PLCG2: variants seen among roughly 807,000 people sequenced by gnomAD.
PLCG2 encodes phospholipase C gamma 2.
Under a neutral mutation model 175.6 loss-of-function variants are expected in PLCG2, and 69 were observed. The ratio of observed to expected loss-of-function variants is 0.39; its 90% confidence interval spans 0.32 to 0.48. The LOEUF (loss-of-function observed/expected upper bound fraction) is 0.48. Among genes scored for constraint, PLCG2 ranks in the 20% least tolerant of loss-of-function variants. The pLI is 0.91. For missense variants in PLCG2, 1,798 were observed against 1,650.9 expected (o/e 1.09, Z -1.54); for synonymous variants, 827 against 624.0 (o/e 1.33, Z -4.85).
At chr16:81,778,721 C>T (rs988230158), upstream of PLCG2, among the ~76,000 whole-genome samples, 1 of 152,196 alleles carries the variant, frequency 6.6e-6, no homozygotes, top group African/African-American at 2.4e-5. Context: ...AAGGGTTGGT[C>T]TGACTCCAGC....
At chr16:81,861,127 T>C (rs1285879135) in intron 5 of PLCG2, among the ~76,000 whole-genome samples, 2 of 152,190 alleles carry the variant, frequency 1.3e-5, no homozygotes, top group African/African-American at 4.8e-5. Flanking sequence ...TGCATTGAGC[T>C]CTTCAGTCCT....
intron 1 of PLCG2, among the ~76,000 whole-genome samples, chr16:81,745,109 A>G (rs1909678118): frequency 1.3e-5 from 2 of 152,228 alleles, no homozygotes; most frequent in Admixed American, 1.3e-4. Flanking sequence ...ACCTCCAGCA[A>G]CGGGGCTGGG....
intron 8 of PLCG2, 39 bp downstream of exon 8, chr16:81,880,992 C>G: frequency 1.2e-6 from 2 of 1,603,856 alleles, no homozygotes; most frequent in African/African-American, 2.7e-5. Context: ...GCGGCTGTGC[C>G]GGACCTCGGT....
chr16:81,880,611 G>T (rs1908031675), intron 7 of PLCG2, among the ~76,000 whole-genome samples: 1 of 152,184 alleles, frequency 6.6e-6, no homozygotes, highest in Admixed American at 6.5e-5. Context: ...GTTATAATAT[G>T]ATATGATACC....
At chr16:81,861,034 GAAAAAACCA>G (rs987942978) in intron 5 of PLCG2, among the ~76,000 whole-genome samples, 3 of 151,788 alleles carry the variant, frequency 2.0e-5, no homozygotes, top group Admixed American at 1.3e-4. Flanking sequence ...ACCACGACAA[GAAAAAACCA>G]AAAAAACCAA....
chr16:81,833,792 C>T (rs531240623), intron 2 of PLCG2, among the ~76,000 whole-genome samples: 5 of 152,112 alleles, frequency 3.3e-5, no homozygotes, highest in African/African-American at 1.2e-4. Context: ...GAGCTGTCCT[C>T]CTGCCTTGGC....
At chr16:81,893,828 G>A (rs374923896) in intron 12 of PLCG2, 34 bp downstream of exon 12, 64 of 1,370,182 alleles carry the variant, frequency 4.7e-5, no homozygotes, top group South Asian at 1.3e-4. Flanking sequence ...GGTCAGGCTC[G>A]CAGCAAATTG....
chr16:81,874,142 C>A (rs1413050115), intron 7 of PLCG2, among the ~76,000 whole-genome samples: 1 of 152,130 alleles, frequency 6.6e-6, no homozygotes, highest in Non-Finnish European at 1.5e-5. Context: ...AAATTAATTG[C>A]CTACATTTAA....
At chr16:81,882,200 C>G (rs750987712) in intron 8 of PLCG2, among the ~76,000 whole-genome samples, 18 of 152,214 alleles carry the variant, frequency 1.2e-4, no homozygotes, top group Non-Finnish European at 2.5e-4. Context: ...AGAATGTACT[C>G]CCCATCCAAC....
At chr16:81,947,064 T>C (rs1301233380) in intron 31 of PLCG2, among the ~76,000 whole-genome samples, 3 of 152,176 alleles carry the variant, frequency 2.0e-5, no homozygotes, top group Non-Finnish European at 2.9e-5. Context: ...AAAATGGTTT[T>C]AGATTGTGGT....
chr16:81,801,685 A>G (rs1185496282), intron 2 of PLCG2, among the ~76,000 whole-genome samples: 1 of 149,398 alleles, frequency 6.7e-6, no homozygotes, highest in Non-Finnish European at 1.5e-5. Context: ...ATTTTCTTTA[A>G]TTTTTTTTTT....
At chr16:81,903,826 A>G (rs926287522) in intron 14 of PLCG2, among the ~76,000 whole-genome samples, 3 of 152,118 alleles carry the variant, frequency 2.0e-5, no homozygotes, top group Non-Finnish European at 2.9e-5. Flanking sequence ...TAAGATGCAA[A>G]GTACTGAAGG....
intron 5 of PLCG2, among the ~76,000 whole-genome samples, chr16:81,867,584 C>G (rs1335226810): frequency 3.3e-5 from 5 of 152,212 alleles, no homozygotes; most frequent in Admixed American, 1.3e-4. Flanking sequence ...AAGGCACCAC[C>G]TAGAACAACA....
intron 2 of PLCG2, among the ~76,000 whole-genome samples, chr16:81,803,694 C>A (rs1399489165): frequency 8.3e-6 from 1 of 120,378 alleles, no homozygotes; most frequent in Non-Finnish European, 1.6e-5. Flanking sequence ...TTCTTTCTTT[C>A]TTTACTCTCT....
intron 24 of PLCG2, 160 bp from the exon 25 acceptor site, chr16:81,931,337 T>C: frequency 1.7e-6 from 1 of 591,434 alleles, no homozygotes; most frequent in South Asian, 2.4e-5. Context: ...ATCTGTGATG[T>C]GTACTTACCC....
intron 24 of PLCG2, 44 bp downstream of exon 24, chr16:81,928,668 C>G (rs1910378977): frequency 7.3e-7 from 1 of 1,365,982 alleles, no homozygotes; most frequent in Admixed American, 1.7e-5. Context: ...ACCCCTATCC[C>G]CCATGGGCTG....
At chr16:81,893,228 T>G (rs886114916) in intron 11 of PLCG2, among the ~76,000 whole-genome samples, 1 of 152,212 alleles carries the variant, frequency 6.6e-6, no homozygotes, top group Admixed American at 6.5e-5. Context: ...AGAGTCATTC[T>G]TACGGCAGTT....
At chr16:81,796,981 A>G (rs1330276196) in intron 2 of PLCG2, among the ~76,000 whole-genome samples, 2 of 152,226 alleles carry the variant, frequency 1.3e-5, no homozygotes, top group African/African-American at 4.8e-5. Flanking sequence ...CCATTCAGCC[A>G]CTGATACTAT....
intron 2 of PLCG2, among the ~76,000 whole-genome samples, chr16:81,846,927 C>T (rs1047683539): frequency 8.5e-5 from 13 of 152,130 alleles, no homozygotes; most frequent in Non-Finnish European, 1.8e-4. Context: ...AAACAATTCT[C>T]CATTGGACAC....
Sources: allele counts gnomAD v4.1 joint callset (sites outside exome capture counted in the v4.1 genomes callset), GRCh38; gene constraint gnomAD v4.1.1; transcripts MANE v1.5; gene names NCBI Gene and HGNC (gene_info 2026-07-23, HGNC 2026-07-21).